The following KIF6 variants were observed in gnomAD, a reference collection of about 807,000 sequenced individuals.
KIF6 encodes kinesin-like protein KIF6.
A neutral mutation model predicts 112.7 loss-of-function variants in KIF6; 106 were observed. The ratio of observed to expected loss-of-function variants is 0.94; its 90% CI spans 0.80 to 1.11. The LOEUF is 1.11. KIF6 is among the 50% of genes least tolerant of loss of function. The probability of loss-of-function intolerance (pLI) is 0.00; values close to 1 mark genes in which losing one functional copy is unlikely to be tolerated. For synonymous variants in KIF6, 339 were observed against 339.9 expected (o/e 1.00, Z 0.03); for missense variants, 929 against 964.0 (o/e 0.96, Z 0.48).
At chr6:39,478,901 CT>C (rs1774620175) in intron 13 of KIF6, among the ~76,000 whole-genome samples, 1 of 151,914 alleles carries the variant, frequency 6.6e-6, no homozygotes, top group Admixed American at 6.6e-5. Flanking sequence ...TGTATATCTT[CT>C]TTCAAGAATT....
At chr6:39,543,314 A>C (rs898289870) in intron 12 of KIF6, among the ~76,000 whole-genome samples, 1 of 152,098 alleles carries the variant, frequency 6.6e-6, no homozygotes, top group Non-Finnish European at 1.5e-5. Flanking sequence ...TGTAAGAGGA[A>C]GGAAAAGGAA....
chr6:39,650,906 C>T (rs539565228), intron 3 of KIF6, among the ~76,000 whole-genome samples: 1 of 151,964 alleles, frequency 6.6e-6, no homozygotes, highest in South Asian at 2.1e-4. Context: ...ATATGAGAAG[C>T]CTGGTACTGT....
At chr6:39,422,160 C>G (rs1422578130) in intron 14 of KIF6, among the ~76,000 whole-genome samples, 1 of 152,164 alleles carries the variant, frequency 6.6e-6, no homozygotes, top group African/African-American at 2.4e-5. Flanking sequence ...AAATTCACAT[C>G]AATGCTGGAG....
Position 39,343,441 on chromosome 6 carries a change from AAGAGACAG to A in KIF6, c.2428+260_2428+267del. ...GAGAACAAAGGAGCTGAAGATCTGG[AAGAGACAG>A]AGAGCAAGCTCTGCCAAGAGGGACA... On this transcript the variant is annotated intron_variant, in intron 22 of 22. Coordinates refer to ENST00000287152, the MANE Select transcript of KIF6 (RefSeq NM_145027.6). This position sits in a 1 kb window ranked among gnomAD's most constrained non-coding sequence, Gnocchi z 4.1. 1 of 1,426,226 alleles carries A rather than the reference AAGAGACAG, an allele frequency of 7.0e-7. No individual in the cohort carries two copies. The highest frequency in any genetic ancestry group is 1.2e-5 in the South Asian group (1 of 82,264). The allele number at this position is 1,426,226 out of a possible 1,614,324, so 88.3% of individuals were successfully genotyped here.
At chr6:39,359,714 T>C (rs1764982569) in intron 18 of KIF6, among the ~76,000 whole-genome samples, 1 of 152,140 alleles carries the variant, frequency 6.6e-6, no homozygotes, top group African/African-American at 2.4e-5. Flanking sequence ...GACTCCCAGG[T>C]AGCTGAGACT....
At chr6:39,386,015 T>A (rs1767385989) in intron 15 of KIF6, among the ~76,000 whole-genome samples, 1 of 152,224 alleles carries the variant, frequency 6.6e-6, no homozygotes, top group Non-Finnish European at 1.5e-5. Flanking sequence ...AAAAGCAGAA[T>A]TTGGTCTTTT....
intron 7 of KIF6, among the ~76,000 whole-genome samples, chr6:39,592,462 T>C (rs1332357000): frequency 6.6e-6 from 1 of 152,190 alleles, no homozygotes; most frequent in Non-Finnish European, 1.5e-5. Flanking sequence ...AAATGGAAAC[T>C]AAAACTCTGA....
rs778066078 is a variant in KIF6, at chr6:39,454,556, C to G, written c.1646-23395G>C. 6.6e-4 allele frequency among the ~76,000 whole-genome samples: 94 copies of G among 143,230 alleles called. 1 individual carries two copies. The highest frequency in any genetic ancestry group is 1.0e-3 in the Non-Finnish European group (67 of 66,586). 94.0% of individuals were successfully genotyped at this position (143,230 alleles called of 152,430 possible). A position where few individuals can be genotyped will look rare whatever the true frequency, so the allele number is the denominator to read the frequency against. On this transcript the variant is annotated intron_variant, in intron 13 of 22. Coordinates refer to ENST00000287152, the MANE Select transcript of KIF6 (RefSeq NM_145027.6). ...CAAAAAAAAAAAAAAAAAAAAAGAT[C>G]GAGCGTGAGCGACGCAGAAGACGGG... is the stretch of plus-strand genomic sequence containing the variant.
At chr6:39,576,458 C>T (rs184186078) in intron 10 of KIF6, among the ~76,000 whole-genome samples, 73 of 152,278 alleles carry the variant, frequency 4.8e-4, no homozygotes, top group Middle Eastern at 3.4e-3. Flanking sequence ...TCCCCCTTCC[C>T]ATCTTTGACT....
chr6:39,405,701 T>C (rs1769038319), intron 15 of KIF6, among the ~76,000 whole-genome samples: 1 of 152,198 alleles, frequency 6.6e-6, no homozygotes, highest in African/African-American at 2.4e-5. Flanking sequence ...ACTGGCCTAA[T>C]AAAATGAATT....
intron 10 of KIF6, among the ~76,000 whole-genome samples, chr6:39,557,055 ATGCACATATATATG>A (rs1190796319): frequency 6.6e-6 from 1 of 152,112 alleles, no homozygotes; most frequent in Non-Finnish European, 1.5e-5. Context: ...CTACATACAT[ATGCACATATATATG>A]TGCACATATA....
intron 13 of KIF6, among the ~76,000 whole-genome samples, chr6:39,497,697 G>T (rs1018556479): frequency 6.6e-6 from 1 of 152,130 alleles, no homozygotes; most frequent in Admixed American, 6.5e-5. Context: ...AGTTGCTTTT[G>T]ACAACTCTTC....
chr6:39,565,375 C>T (rs979940222), intron 10 of KIF6, among the ~76,000 whole-genome samples: 1 of 152,166 alleles, frequency 6.6e-6, no homozygotes, highest in Admixed American at 6.5e-5. Flanking sequence ...GCTTCTTTGA[C>T]AGCTCTAGCA....
At chr6:39,465,257 C>T (rs1436242582) in intron 13 of KIF6, among the ~76,000 whole-genome samples, 5 of 152,188 alleles carry the variant, frequency 3.3e-5, no homozygotes, top group African/African-American at 1.2e-4. Flanking sequence ...CAGATGTCTT[C>T]ATAGAGCATG....
intron 3 of KIF6, among the ~76,000 whole-genome samples, chr6:39,699,586 T>C (rs956516272): frequency 1.3e-5 from 2 of 152,138 alleles, no homozygotes; most frequent in Non-Finnish European, 2.9e-5. Flanking sequence ...GCTAAACTAT[T>C]GTGGAGCCCA....
At chr6:39,391,446 C>T (rs1400735808) in intron 15 of KIF6, among the ~76,000 whole-genome samples, 1 of 152,138 alleles carries the variant, frequency 6.6e-6, no homozygotes, top group African/African-American at 2.4e-5. Flanking sequence ...GAGGAAGAAA[C>T]GTACAAACTC....
At chr6:39,464,329 G>T (rs1195427033) in intron 13 of KIF6, among the ~76,000 whole-genome samples, 1 of 152,162 alleles carries the variant, frequency 6.6e-6, no homozygotes, top group East Asian at 1.9e-4. Context: ...ATTTATTTTG[G>T]CTGCTAAGTA....
At chr6:39,341,395 G>A (rs1053195912) in intron 22 of KIF6, among the ~76,000 whole-genome samples, 4 of 151,962 alleles carry the variant, frequency 2.6e-5, no homozygotes, top group East Asian at 1.9e-4. Flanking sequence ...GTTCCTTTTC[G>A]CACCCTGGCA....
chr6:39,667,327 A>C (rs1485611711), intron 3 of KIF6, among the ~76,000 whole-genome samples: 1 of 152,154 alleles, frequency 6.6e-6, no homozygotes, highest in Non-Finnish European at 1.5e-5. Context: ...CCAAGGGCCA[A>C]TGAGCCTGGA....
Sources: allele counts gnomAD v4.1 joint callset (sites outside exome capture counted in the v4.1 genomes callset), GRCh38; gene constraint gnomAD v4.1.1; non-coding constraint Gnocchi (gnomAD v3.1); transcripts MANE v1.5; gene names NCBI Gene and HGNC (gene_info 2026-07-23, HGNC 2026-07-21).